Variants in FGF12 observed in about 807,000 individuals in gnomAD.
The protein encoded by FGF12 is fibroblast growth factor 12.
FGF12 carries 14 observed loss-of-function variants against 23.6 expected under a neutral mutation model. That is an observed-to-expected ratio of 0.59 (90% CI 0.39 to 0.93). The LOEUF (loss-of-function observed/expected upper bound fraction) is 0.93, where lower values mean the gene tolerates loss of function less well. Among genes scored for constraint, FGF12 ranks in the 40% least tolerant of loss-of-function variants. The pLI is 0.00. For synonymous variants in FGF12, 62 were observed against 77.3 expected (o/e 0.80, Z 1.04); for missense variants, 175 against 217.8 (o/e 0.80, Z 1.24).
chr3:192,694,631 T>C (rs1182516776), intron 2 of FGF12, among the ~76,000 whole-genome samples: 1 of 151,870 alleles, frequency 6.6e-6, no homozygotes, highest in Non-Finnish European at 1.5e-5. Flanking sequence ...GGTATATACG[T>C]ATACGTACAT....
intron 3 of FGF12, among the ~76,000 whole-genome samples, chr3:192,340,545 A>T (rs1178571386): frequency 6.6e-6 from 1 of 152,214 alleles, no homozygotes; most frequent in Admixed American, 6.5e-5. Context: ...AGATCTTCTT[A>T]AACTTGTCCT....
At chr3:192,458,212 T>TCGGAGTCCCCACA (rs1722739959) in intron 2 of FGF12, among the ~76,000 whole-genome samples, 1 of 151,836 alleles carries the variant, frequency 6.6e-6, no homozygotes, top group African/African-American at 2.4e-5. Context: ...AAATGTGGGG[T>TCGGAGTCCCCACA]CGGAGTCCCC....
At chr3:192,697,055 G>A (rs1309316352) in intron 2 of FGF12, among the ~76,000 whole-genome samples, 4 of 143,564 alleles carry the variant, frequency 2.8e-5, no homozygotes, top group East Asian at 2.1e-4. Flanking sequence ...ACCCTCCCCC[G>A]CCTCTCAGTT....
intron 2 of FGF12, among the ~76,000 whole-genome samples, chr3:192,641,305 C>G (rs1477524990): frequency 1.1e-5 from 1 of 92,980 alleles, no homozygotes; most frequent in African/African-American, 3.8e-5. Context: ...CGGGGTTTCA[C>G]CGTTTTAGCC....
intron 3 of FGF12, among the ~76,000 whole-genome samples, chr3:192,353,137 C>T (rs754515843): frequency 2.0e-5 from 3 of 152,148 alleles, no homozygotes; most frequent in Admixed American, 6.5e-5. Flanking sequence ...GACTTGCCCA[C>T]GGCCAAAGCA....
intron 2 of FGF12, among the ~76,000 whole-genome samples, chr3:192,479,590 T>C (rs9821731): frequency 0.1 from 15,180 of 152,102 alleles, 2,459 homozygotes; most frequent in African/African-American, 0.34. Context: ...TTCCTTACTC[T>C]TGAATGGTAG....
intron 4 of FGF12, among the ~76,000 whole-genome samples, chr3:192,301,764 A>T (rs1370487821): frequency 1.3e-5 from 2 of 152,178 alleles, no homozygotes; most frequent in Admixed American, 6.5e-5. Context: ...ACTCTTCAAC[A>T]CACTGCAGAA....
At chr3:192,146,576 T>C (rs1560166314) in intron 5 of FGF12, among the ~76,000 whole-genome samples, 1 of 152,170 alleles carries the variant, frequency 6.6e-6, no homozygotes, top group Non-Finnish European at 1.5e-5. Context: ...GCCTAAAGTG[T>C]ATATTTTTAT....
rs1210610782 is a variant in FGF12, at chr3:192,219,123, C to T, written c.229-48467G>A. 2.0e-5 allele frequency among the ~76,000 whole-genome samples: 3 copies of T among 152,022 alleles called. No homozygotes were observed. In the South Asian group the frequency reaches 6.2e-4, roughly 32 times the overall value. ...AAATTGAGATGGAGTCTTGCTCTGT[C>T]ACCCAGGCTGGAGTGCAGTGGTGCA... On this transcript the variant is annotated intron_variant, in intron 4 of 5. Transcript: ENST00000445105.
rs562152404 is a variant in FGF12 at position 192,625,591 on chromosome 3, G to A, written c.13+101590C>T. ...GTCAAACACTAATGCTTTTCAGAAA[G>A]CAATACAGATTCTAGGTTTTTTCTT... On this transcript the variant is annotated intron_variant, in intron 2 of 5. Coordinates refer to ENST00000445105, the MANE Select transcript of FGF12 (RefSeq NM_004113.6). 1.6e-3 allele frequency among the ~76,000 whole-genome samples: 242 copies of A among 152,082 alleles called. 1 individual carries two copies. Among genetic ancestry groups the A allele is most frequent in the African/African-American group, 5.7e-3 (236 of 41,502 alleles).
At chr3:192,571,698 G>A (rs574336346) in intron 2 of FGF12, among the ~76,000 whole-genome samples, 1 of 152,336 alleles carries the variant, frequency 6.6e-6, no homozygotes, top group East Asian at 1.9e-4. Context: ...GCTTTTGCAA[G>A]ATCCTGCACT....
intron 2 of FGF12, among the ~76,000 whole-genome samples, chr3:192,452,026 C>T (rs1722538034): frequency 6.6e-6 from 1 of 151,926 alleles, no homozygotes; most frequent in Admixed American, 6.6e-5. Context: ...GTAAGGATCG[C>T]CAGTGCAATA....
intron 4 of FGF12, among the ~76,000 whole-genome samples, chr3:192,277,631 C>T (rs2366575): frequency 0.2 from 30,282 of 152,114 alleles, 3,649 homozygotes; most frequent in East Asian, 0.58. Context: ...CTCACTACTG[C>T]TTGCATGGGT....
intron 2 of FGF12, among the ~76,000 whole-genome samples, chr3:192,532,224 G>A (rs942055366): frequency 6.6e-6 from 1 of 151,990 alleles, no homozygotes; most frequent in Admixed American, 6.6e-5. Context: ...TATTGCTTTG[G>A]CTGTGTGGGC....
intron 2 of FGF12, among the ~76,000 whole-genome samples, chr3:192,580,218 T>C (rs1713075781): frequency 6.6e-6 from 1 of 152,200 alleles, no homozygotes; most frequent in South Asian, 2.1e-4. Flanking sequence ...TCTTATGCAG[T>C]GATTCAAGTT....
chr3:192,192,010 C>A (rs1027104387), intron 4 of FGF12, among the ~76,000 whole-genome samples: 5 of 152,130 alleles, frequency 3.3e-5, no homozygotes, highest in African/African-American at 9.7e-5. Context: ...ACATCGTGTG[C>A]CTTTCAACAC....
At chr3:192,571,634 C>T (rs1447054074) in intron 2 of FGF12, among the ~76,000 whole-genome samples, 1 of 152,212 alleles carries the variant, frequency 6.6e-6, no homozygotes, top group Non-Finnish European at 1.5e-5. Flanking sequence ...TCAGACTGTG[C>T]TTTTGAATCT....
At chr3:192,293,793 G>A (rs1422151127) in intron 4 of FGF12, among the ~76,000 whole-genome samples, 1 of 152,112 alleles carries the variant, frequency 6.6e-6, no homozygotes, top group African/African-American at 2.4e-5. Flanking sequence ...TTGGGTAGTT[G>A]TAGCCAATGG....
At chr3:192,684,952 G>A (rs1000200365) in intron 2 of FGF12, among the ~76,000 whole-genome samples, 12 of 152,194 alleles carry the variant, frequency 7.9e-5, no homozygotes, top group South Asian at 4.1e-4. Context: ...CTTGTGTTAT[G>A]TGGCCTTGGG....
Sources: gnomAD v4.1 joint callset for allele counts (sites outside exome capture counted in the v4.1 genomes callset) on GRCh38, gnomAD v4.1.1 for gene constraint, MANE v1.5 for transcripts, NCBI Gene and HGNC (gene_info 2026-07-23, HGNC 2026-07-21) for gene names.